The following USH2A variants were observed in gnomAD, a reference collection of about 807,000 sequenced individuals.
The protein encoded by USH2A is usherin, also known as Usher syndrome 2A (autosomal recessive, mild).
In USH2A, 443 loss-of-function variants were observed where a neutral mutation model predicts 538.9. The ratio of observed to expected loss-of-function variants is 0.82; its 90% CI spans 0.76 to 0.89. The LOEUF is 0.89. Among genes scored for constraint, USH2A ranks in the 40% least tolerant of loss-of-function variants. The pLI is 0.00. For synonymous variants in USH2A, 2,413 were observed against 2,273.5 expected (o/e 1.06, Z -1.75); for missense variants, 6,633 against 6,324.8 (o/e 1.05, Z -1.65).
chr1:215,672,283 C>T (rs1315700526), intron 63 of USH2A, among the ~76,000 whole-genome samples: 2 of 151,992 alleles, frequency 1.3e-5, no homozygotes, highest in Admixed American at 6.6e-5. Context: ...CTAGCCTTTT[C>T]CTCTTCTATT....
chr1:216,348,250 A>G (rs1170740005), intron 4 of USH2A, among the ~76,000 whole-genome samples: 1 of 152,130 alleles, frequency 6.6e-6, no homozygotes, highest in Non-Finnish European at 1.5e-5. Flanking sequence ...ACAGGACACA[A>G]TTGGAAAAAT....
At chr1:215,710,258 C>T (rs910130086) in intron 61 of USH2A, among the ~76,000 whole-genome samples, 5 of 152,150 alleles carry the variant, frequency 3.3e-5, no homozygotes, top group Admixed American at 6.5e-5. Flanking sequence ...ACGAGGCAGA[C>T]TACAGAGCAT....
Position 216,066,893 on chromosome 1 carries a change from C to T in USH2A, c.6049+3208G>A, listed in dbSNP as rs545909029. 1.2e-4 allele frequency among the ~76,000 whole-genome samples: 18 copies of T among 152,188 alleles called. 1 individual carries two copies. The highest frequency in any genetic ancestry group is 2.6e-4 in the Admixed American group (4 of 15,280). ...GAAGGTATATAGCAGAGATTTATAT[C>T]AATGTCTGACTTCAAAGTTCAAGAC... On this transcript the variant is annotated intron_variant, in intron 30 of 71. Coordinates refer to ENST00000307340, the MANE Select transcript of USH2A (RefSeq NM_206933.4).
At chr1:216,261,355 T>C (rs779080617) in intron 11 of USH2A, among the ~76,000 whole-genome samples, 2 of 151,684 alleles carry the variant, frequency 1.3e-5, no homozygotes, top group Admixed American at 6.6e-5. Context: ...TGGCATGTGC[T>C]TGTAGTCCCA....
intron 30 of USH2A, among the ~76,000 whole-genome samples, chr1:216,061,149 T>C (rs2031166571): frequency 6.6e-6 from 1 of 152,190 alleles, no homozygotes; most frequent in Non-Finnish European, 1.5e-5. Context: ...ACCCTTGGAC[T>C]CTCCATTGCA....
intron 21 of USH2A, among the ~76,000 whole-genome samples, chr1:216,165,202 TA>T (rs1398112258): frequency 6.6e-6 from 1 of 152,178 alleles, no homozygotes; most frequent in Non-Finnish European, 1.5e-5. Context: ...TGTATATGTT[TA>T]TTATGACTGT....
chr1:215,931,041 G>A (rs1666351062), intron 38 of USH2A, among the ~76,000 whole-genome samples: 1 of 151,904 alleles, frequency 6.6e-6, no homozygotes, highest in African/African-American at 2.4e-5. Flanking sequence ...AAACTTGAGT[G>A]TGCAGAAGTA....
chr1:216,273,034 G>A (rs2036605204), intron 11 of USH2A, among the ~76,000 whole-genome samples: 1 of 152,042 alleles, frequency 6.6e-6, no homozygotes, highest in Non-Finnish European at 1.5e-5. Context: ...CATTAAAAAT[G>A]ATTATAATGA....
intron 22 of USH2A, 32 bp downstream of exon 22, chr1:216,097,050 TA>T: frequency 6.3e-7 from 1 of 1,591,518 alleles, no homozygotes; most frequent in Non-Finnish European, 8.6e-7. Flanking sequence ...ACTAAATTCT[TA>T]AAAATATTAA....
At chr1:216,303,074 T>C (rs1043212274) in intron 9 of USH2A, among the ~76,000 whole-genome samples, 24 of 152,036 alleles carry the variant, frequency 1.6e-4, no homozygotes, top group Non-Finnish European at 3.4e-4. Flanking sequence ...TTGAAATCTC[T>C]GTCCTTCTTT....
intron 55 of USH2A, among the ~76,000 whole-genome samples, chr1:215,775,217 C>G (rs1460057769): frequency 6.6e-6 from 1 of 152,168 alleles, no homozygotes; most frequent in Non-Finnish European, 1.5e-5. Flanking sequence ...ACTGTGCAAT[C>G]AAACACGGTA....
intron 64 of USH2A, among the ~76,000 whole-genome samples, chr1:215,651,915 A>G (rs1263273543): frequency 6.6e-6 from 1 of 152,084 alleles, no homozygotes; most frequent in Non-Finnish European, 1.5e-5. Context: ...CTGATGTTGA[A>G]TTGTTTTCAG....
intron 26 of USH2A, among the ~76,000 whole-genome samples, chr1:216,081,696 A>G (rs1234047073): frequency 6.6e-6 from 1 of 152,024 alleles, no homozygotes; most frequent in Non-Finnish European, 1.5e-5. Context: ...GTCTTCAGCA[A>G]TCCTCTTGCC....
rs1332994133 is a variant in USH2A at position 216,196,730 on chromosome 1, T to C, written c.4082-8A>G. On this transcript the variant is annotated splice_region_variant and splice_polypyrimidine_tract_variant and intron_variant, in intron 18 of 71. Transcript: ENST00000307340. The stretch of plus-strand genomic sequence containing the variant: ...GGATCATGAATACAGGTGCTATCAA[T>C]GAGAACAATAACAATAACATCAAAA... 1 of 1,612,180 alleles carries C rather than the reference T, an allele frequency of 6.2e-7. No homozygotes were observed. Among genetic ancestry groups the C allele is most frequent in the East Asian group, 2.2e-5 (1 of 44,646 alleles).
chr1:216,308,701 G>A (rs2037363818), intron 9 of USH2A, among the ~76,000 whole-genome samples: 1 of 152,002 alleles, frequency 6.6e-6, no homozygotes, highest in African/African-American at 2.4e-5. Flanking sequence ...TTCTCTTTCT[G>A]GTTCTATAAA....
intron 44 of USH2A, among the ~76,000 whole-genome samples, chr1:215,852,640 A>T (rs148972083): frequency 1.3e-5 from 2 of 152,334 alleles, no homozygotes; most frequent in East Asian, 3.9e-4. Context: ...ATCAAAAGCA[A>T]GTTAGTTACT....
At chr1:215,891,541 G>A (rs1270996894) in intron 40 of USH2A, among the ~76,000 whole-genome samples, 1 of 152,180 alleles carries the variant, frequency 6.6e-6, no homozygotes, top group Non-Finnish European at 1.5e-5. Flanking sequence ...TATAATTGGG[G>A]TAGTTTGCTA....
chr1:215,798,650 A>G (rs2102778180), intron 50 of USH2A, among the ~76,000 whole-genome samples: 1 of 152,244 alleles, frequency 6.6e-6, no homozygotes, highest in East Asian at 1.9e-4. Flanking sequence ...CAATGCATTC[A>G]TGTGTGGAAT....
intron 9 of USH2A, among the ~76,000 whole-genome samples, chr1:216,309,409 T>G (rs1458552106): frequency 6.6e-6 from 1 of 152,060 alleles, no homozygotes; most frequent in Non-Finnish European, 1.5e-5. Context: ...GTGGATGTTG[T>G]TTTCTCTTTC....
Sources: gnomAD v4.1 joint callset for allele counts (sites outside exome capture counted in the v4.1 genomes callset) on GRCh38, gnomAD v4.1.1 for gene constraint, MANE v1.5 for transcripts, NCBI Gene and HGNC (gene_info 2026-07-23, HGNC 2026-07-21) for gene names.